The following CALN1 variants were observed in gnomAD, a reference collection of about 807,000 sequenced individuals.
The protein encoded by CALN1 is calcium-binding protein 8.
CALN1 carries 17 observed loss-of-function variants against 30.6 expected under a neutral mutation model. That is an observed-to-expected ratio of 0.56 (90% CI 0.38 to 0.83). The LOEUF is 0.83. Ranked by LOEUF, CALN1 falls within the 40% of genes least tolerant of loss-of-function variation. CALN1 has a pLI of 0.00. For synonymous variants in CALN1, 156 were observed against 131.4 expected, an observed-to-expected ratio of 1.19 and a Z score of -1.28; for missense variants, 291 against 354.9, an observed-to-expected ratio of 0.82 and a Z score of 1.45.
At chr7:72,394,665 T>G (rs1805800390) in intron 2 of CALN1, among the ~76,000 whole-genome samples, 1 of 127,178 alleles carries the variant, frequency 7.9e-6, no homozygotes, top group African/African-American at 3.3e-5. Context: ...CCATTGACTT[T>G]TTTTTTTTTT....
chr7:72,295,216 AAATATTTCCTAGGTCAATGTTT>A (rs1798768204), intron 2 of CALN1, among the ~76,000 whole-genome samples: 1 of 152,212 alleles, frequency 6.6e-6, no homozygotes, highest in African/African-American at 2.4e-5. Flanking sequence ...ATATTCCCCT[AAATATTTCCTAGGTCAATGTTT>A]AAATTAAAGT....
At chr7:71,981,444 G>A (rs1314628718) in intron 5 of CALN1, among the ~76,000 whole-genome samples, 1 of 152,076 alleles carries the variant, frequency 6.6e-6, no homozygotes, top group Non-Finnish European at 1.5e-5. Context: ...AGGCTGAGGC[G>A]GAAGGATCAC....
At chr7:72,130,237 A>G (rs973042619) in intron 3 of CALN1, among the ~76,000 whole-genome samples, 4 of 152,182 alleles carry the variant, frequency 2.6e-5, no homozygotes, top group South Asian at 2.1e-4. Context: ...TTTTCTTTAT[A>G]AGCTACCTAG....
At chr7:72,329,075 C>CG (rs1252248421) in intron 2 of CALN1, among the ~76,000 whole-genome samples, 2 of 152,242 alleles carry the variant, frequency 1.3e-5, no homozygotes, top group Non-Finnish European at 1.5e-5. Context: ...TCATTCATAA[C>CG]GCCAACAGCT....
intron 5 of CALN1, among the ~76,000 whole-genome samples, chr7:71,875,618 G>A (rs1322741529): frequency 6.6e-6 from 1 of 152,148 alleles, no homozygotes; most frequent in Non-Finnish European, 1.5e-5. Flanking sequence ...AGAATAACAT[G>A]CCCCAGATCC....
At chr7:72,406,335 G>T (rs1806690492) in intron 1 of CALN1, among the ~76,000 whole-genome samples, 1 of 152,144 alleles carries the variant, frequency 6.6e-6, no homozygotes, top group Non-Finnish European at 1.5e-5. Context: ...GCTTCTCCAA[G>T]ACACAGGCAC....
chr7:72,271,575 A>AAAATATATATATATATATATATATAT, intron 3 of CALN1, among the ~76,000 whole-genome samples: 21 of 52,112 alleles, frequency 4.0e-4, no homozygotes, highest in East Asian at 3.0e-3. Context: ...AAAAAAAAAA[A>AAAATATATATATATATATATATATAT]ATATATATAT....
At chr7:71,870,894 C>A (rs1283422244) in intron 5 of CALN1, among the ~76,000 whole-genome samples, 1 of 152,156 alleles carries the variant, frequency 6.6e-6, no homozygotes, top group Non-Finnish European at 1.5e-5. Flanking sequence ...TGGGATTGTA[C>A]TTTTAATGCT....
At chr7:72,256,410 T>C (rs947107482) in intron 3 of CALN1, among the ~76,000 whole-genome samples, 5 of 152,130 alleles carry the variant, frequency 3.3e-5, no homozygotes, top group Admixed American at 6.5e-5. Flanking sequence ...CTGTGAACTA[T>C]GATCATGCCA....
chr7:72,071,366 T>C (rs188202019), intron 4 of CALN1, among the ~76,000 whole-genome samples: 14 of 152,288 alleles, frequency 9.2e-5, no homozygotes, highest in African/African-American at 3.4e-4. Context: ...AACCCTGCCC[T>C]GCAGCTGAAA....
chr7:71,794,915 C>T (rs558538468), intron 6 of CALN1, among the ~76,000 whole-genome samples: 1 of 152,388 alleles, frequency 6.6e-6, no homozygotes, highest in African/African-American at 2.4e-5. Flanking sequence ...CTCTTCCCCG[C>T]TTCCTGGCTC....
chr7:71,820,140 G>A (rs1269434241), intron 5 of CALN1, among the ~76,000 whole-genome samples: 1 of 152,156 alleles, frequency 6.6e-6, no homozygotes, highest in East Asian at 1.9e-4. Context: ...GGCTTCATCT[G>A]CATAATAAAA....
intron 5 of CALN1, among the ~76,000 whole-genome samples, chr7:71,891,964 A>T (rs1323114328): frequency 6.6e-6 from 1 of 152,152 alleles, no homozygotes; most frequent in Admixed American, 6.5e-5. Flanking sequence ...AAATAAAAAA[A>T]AAAATAACAA....
chr7:72,216,181 G>T (rs1176718327), intron 3 of CALN1, among the ~76,000 whole-genome samples: 2 of 152,092 alleles, frequency 1.3e-5, no homozygotes, highest in African/African-American at 4.8e-5. Flanking sequence ...TTAGGAGGCT[G>T]ATGGGGGAGG....
intron 2 of CALN1, among the ~76,000 whole-genome samples, chr7:72,362,672 C>G (rs529922345): frequency 1.3e-5 from 2 of 152,160 alleles, no homozygotes; most frequent in Non-Finnish European, 1.5e-5. Context: ...TTCTGTCCTG[C>G]CTGTGTGCCC....
chr7:72,048,887 A>G (rs999903711), intron 4 of CALN1, among the ~76,000 whole-genome samples: 1 of 151,732 alleles, frequency 6.6e-6, no homozygotes, highest in Non-Finnish European at 1.5e-5. Flanking sequence ...AGCTCTCTGC[A>G]GCCACCTCAA....
intron 3 of CALN1, among the ~76,000 whole-genome samples, chr7:72,217,756 T>C (rs748654567): frequency 3.3e-5 from 5 of 151,816 alleles, no homozygotes; most frequent in East Asian, 1.9e-4. Flanking sequence ...GGTGGGAGGA[T>C]TGCTTGAGGC....
intron 6 of CALN1, among the ~76,000 whole-genome samples, chr7:71,809,745 G>A (rs902301114): frequency 6.6e-6 from 1 of 151,702 alleles, no homozygotes; most frequent in African/African-American, 2.4e-5. Flanking sequence ...AACCTTTCAT[G>A]GGTCTCTTTT....
At chr7:71,874,594 T>G (rs899320357) in intron 5 of CALN1, among the ~76,000 whole-genome samples, 1 of 152,196 alleles carries the variant, frequency 6.6e-6, no homozygotes, top group Admixed American at 6.5e-5. Flanking sequence ...TTGTGTATAC[T>G]CACCAGCCAC....
Sources: gnomAD v4.1 joint callset for allele counts (sites outside exome capture counted in the v4.1 genomes callset) on GRCh38, gnomAD v4.1.1 for gene constraint, MANE v1.5 for transcripts, NCBI Gene and HGNC (gene_info 2026-07-23, HGNC 2026-07-21) for gene names.